Variants in CLSTN2 observed in about 807,000 individuals in gnomAD.
CLSTN2 encodes the protein calsyntenin-2.
In CLSTN2, 48 loss-of-function variants were observed where a neutral mutation model predicts 101.2. The ratio of observed to expected loss-of-function variants is 0.47; its 90% CI spans 0.38 to 0.60. CLSTN2 has a LOEUF of 0.60. CLSTN2 is among the 20% of genes least tolerant of loss of function. The probability of loss-of-function intolerance (pLI) is 0.00; values close to 1 mark genes in which losing one functional copy is unlikely to be tolerated. For missense variants in CLSTN2, 1,160 were observed against 1,238.2 expected (o/e 0.94, Z 0.95); for synonymous variants, 481 against 463.6 (o/e 1.04, Z -0.48).
intron 1 of CLSTN2, among the ~76,000 whole-genome samples, chr3:140,156,865 A>G (rs1459401575): frequency 1.3e-5 from 2 of 151,966 alleles, no homozygotes; most frequent in Admixed American, 6.5e-5. Context: ...TTCCCTCACA[A>G]AATAATTTTT....
intron 1 of CLSTN2, among the ~76,000 whole-genome samples, chr3:140,072,071 A>C (rs540915730): frequency 2.0e-5 from 3 of 152,318 alleles, no homozygotes; most frequent in African/African-American, 7.2e-5. Context: ...AACAACATTT[A>C]TGAGCATCAA....
At chr3:140,037,393 A>G (rs1384395198) in intron 1 of CLSTN2, among the ~76,000 whole-genome samples, 1 of 152,164 alleles carries the variant, frequency 6.6e-6, no homozygotes, top group Non-Finnish European at 1.5e-5. Context: ...AACATAATCA[A>G]GAGGCTGTAT....
At chr3:140,280,204 A>G (rs1345717210) in intron 2 of CLSTN2, among the ~76,000 whole-genome samples, 1 of 152,196 alleles carries the variant, frequency 6.6e-6, no homozygotes, top group Admixed American at 6.5e-5. Flanking sequence ...GGGATCTTAC[A>G]TAATAATATG....
intron 5 of CLSTN2, among the ~76,000 whole-genome samples, chr3:140,443,800 G>T (rs999264802): frequency 3.3e-5 from 5 of 152,162 alleles, no homozygotes; most frequent in African/African-American, 9.7e-5. Flanking sequence ...GGCATATCTC[G>T]TGCTACCATA....
chr3:139,937,774 A>G (rs768482608), intron 1 of CLSTN2, among the ~76,000 whole-genome samples: 2 of 151,568 alleles, frequency 1.3e-5, no homozygotes, highest in Non-Finnish European at 2.9e-5. Flanking sequence ...AACAAACTAG[A>G]CATTTGTTTT....
chr3:139,951,585 CG>C (rs1250831411), intron 1 of CLSTN2, among the ~76,000 whole-genome samples: 3 of 152,042 alleles, frequency 2.0e-5, no homozygotes, highest in African/African-American at 7.2e-5. Context: ...AGGGGGTGTG[CG>C]GGGAGACCAC....
intron 2 of CLSTN2, among the ~76,000 whole-genome samples, chr3:140,341,430 G>C (rs904652313): frequency 6.6e-6 from 1 of 152,164 alleles, no homozygotes; most frequent in African/African-American, 2.4e-5. Context: ...CAATAGTGTC[G>C]ATGGTGTCAG....
chr3:140,533,206 C>T (rs2107779878), intron 9 of CLSTN2, among the ~76,000 whole-genome samples: 1 of 152,328 alleles, frequency 6.6e-6, no homozygotes, highest in Non-Finnish European at 1.5e-5. Flanking sequence ...CTCAGGTCTG[C>T]TGGAGTCTTT....
At chr3:140,039,278 G>C (rs987181361) in intron 1 of CLSTN2, among the ~76,000 whole-genome samples, 14 of 152,006 alleles carry the variant, frequency 9.2e-5, no homozygotes, top group Non-Finnish European at 1.6e-4. Context: ...TGAAATTTCT[G>C]GGTCCAGGGG....
chr3:140,326,765 T>G (rs1355949826), intron 2 of CLSTN2, among the ~76,000 whole-genome samples: 7 of 152,184 alleles, frequency 4.6e-5, no homozygotes, highest in Admixed American at 3.9e-4. Context: ...TCTACAGCTT[T>G]CTTTTTGCTC....
chr3:140,476,654 C>CTTTT (rs564731249), intron 8 of CLSTN2, among the ~76,000 whole-genome samples: 3 of 124,628 alleles, frequency 2.4e-5, no homozygotes, highest in Non-Finnish European at 1.6e-5. Flanking sequence ...GTTTTAGCAT[C>CTTTT]TTTTTTTTTT....
At chr3:140,341,934 G>A (rs2087497920) in intron 2 of CLSTN2, among the ~76,000 whole-genome samples, 1 of 152,134 alleles carries the variant, frequency 6.6e-6, no homozygotes, top group Non-Finnish European at 1.5e-5. Context: ...TGTTTTAAAG[G>A]GAGCCAGGTG....
intron 1 of CLSTN2, among the ~76,000 whole-genome samples, chr3:140,147,350 G>A (rs1301348816): frequency 1.3e-5 from 2 of 152,150 alleles, no homozygotes; most frequent in African/African-American, 4.8e-5. Context: ...CCTTGAAGGA[G>A]CCTTGCTTTC....
chr3:140,254,635 A>G (rs1432073309), intron 2 of CLSTN2, among the ~76,000 whole-genome samples: 4 of 152,170 alleles, frequency 2.6e-5, no homozygotes, highest in African/African-American at 7.2e-5. Context: ...GATGCAGAAG[A>G]TTGAAACTGG....
At chr3:140,459,824 G>C (rs1933516945) in intron 7 of CLSTN2, 55 bp downstream of exon 7, 2 of 1,599,190 alleles carry the variant, frequency 1.3e-6, no homozygotes, top group Non-Finnish European at 1.7e-6. Context: ...TGCCCATTTT[G>C]TCACAGGTGG....
intron 8 of CLSTN2, among the ~76,000 whole-genome samples, chr3:140,501,113 T>C (rs571925073): frequency 6.6e-6 from 1 of 152,214 alleles, no homozygotes; most frequent in Non-Finnish European, 1.5e-5. Context: ...GTGCCCAAGT[T>C]ACCTCATTCC....
intron 2 of CLSTN2, 80 bp from the exon 3 acceptor site, chr3:140,403,549 T>G: frequency 1.6e-6 from 2 of 1,220,426 alleles, no homozygotes; most frequent in South Asian, 2.9e-5. Context: ...TTTGAGTTTG[T>G]GAATCTGGTC....
At chr3:140,311,067 A>T (rs962743011) in intron 2 of CLSTN2, among the ~76,000 whole-genome samples, 2 of 152,146 alleles carry the variant, frequency 1.3e-5, no homozygotes, top group African/African-American at 4.8e-5. Context: ...CCACAACAGC[A>T]GAGAGAGAAA....
Position 140,035,941 on chromosome 3 carries a change from C to T in CLSTN2, c.109+100458C>T, listed in dbSNP as rs180907700. ...TTCCCAACTCACCTTCCCAGTTGCT[C>T]GGGTAACATATGCCACTTCTCAGCT... On this transcript the variant is annotated intron_variant, in intron 1 of 16. Coordinates refer to ENST00000458420, the MANE Select transcript of CLSTN2 (RefSeq NM_022131.3). Among the ~76,000 whole-genome samples the T allele has an allele frequency of 1.3e-4, 20 of 152,346 alleles. No individual in the cohort carries two copies. The East Asian group carries it at 3.5e-3, about 26-fold the overall frequency.
Sources: allele counts gnomAD v4.1 joint callset (sites outside exome capture counted in the v4.1 genomes callset), GRCh38; gene constraint gnomAD v4.1.1; transcripts MANE v1.5; gene names NCBI Gene and HGNC (gene_info 2026-07-23, HGNC 2026-07-21).